The following PTPRT variants were observed in gnomAD, a reference collection of about 807,000 sequenced individuals.
The protein encoded by PTPRT is receptor-type tyrosine-protein phosphatase T.
PTPRT carries 56 observed loss-of-function variants against 176.8 expected under a neutral mutation model. The observed-to-expected ratio is 0.32, with a 90% CI of 0.26 to 0.40. PTPRT has a LOEUF of 0.40. Among genes scored for constraint, PTPRT ranks in the 10% least tolerant of loss-of-function variants. The pLI is 1.00. For synonymous variants in PTPRT, 783 were observed against 739.0 expected, an observed-to-expected ratio of 1.06 and a Z score of -0.96; for missense variants, 1,540 against 1,908.2, an observed-to-expected ratio of 0.81 and a Z score of 3.60.
intron 1 of PTPRT, among the ~76,000 whole-genome samples, chr20:43,051,420 T>A (rs1261074886): frequency 2.0e-5 from 3 of 152,204 alleles, no homozygotes; most frequent in Admixed American, 6.5e-5. Context: ...CCTAGGCAGA[T>A]GTGAATCTGT....
intron 1 of PTPRT, among the ~76,000 whole-genome samples, chr20:43,150,495 C>T (rs1445955983): frequency 2.6e-5 from 4 of 151,910 alleles, no homozygotes; most frequent in Admixed American, 2.6e-4. Context: ...CTCGCTCTGT[C>T]GCCCAGGCTG....
At chr20:42,699,817 A>G (rs6093719) in intron 6 of PTPRT, among the ~76,000 whole-genome samples, 12,755 of 152,266 alleles carry the variant, frequency 0.084, 603 homozygotes, top group South Asian at 0.16. Flanking sequence ...TGAATCGACA[A>G]AATTTTTCTG....
rs116090605 is a variant in PTPRT, at chr20:42,324,071, T to C, written c.1866-8075A>G. Among the ~76,000 whole-genome samples the C allele has an allele frequency of 4.9e-3, 739 of 152,322 alleles. 8 individuals are homozygous for C. The highest frequency in any genetic ancestry group is 0.017 in the African/African-American group (690 of 41,576). Reference sequence around the variant, plus strand: ...CACACAAAAACTTGAATTAAACTGTTCATAGAAGCATTATTTATAATCGCC... The same window carrying C: ...CACACAAAAACTTGAATTAAACTGTCCATAGAAGCATTATTTATAATCGCC... On this transcript the variant is annotated intron_variant, in intron 11 of 30. Transcript: ENST00000373187.
At position 42,074,472 on chromosome 20, in the gene PTPRT, C is replaced by A. The variant is rs1173034004; in HGVS notation, c.*6407G>T. 6.5e-6 allele frequency: 2 copies of A among 308,722 alleles called. No individual in the cohort carries two copies. The highest frequency in any genetic ancestry group is 1.2e-5 in the Non-Finnish European group (2 of 168,974). 19.1% of individuals were successfully genotyped at this position (308,722 alleles called of 1,614,324 possible). Reference sequence around the variant, plus strand: ...TTTCTGTCCAACACTTCAAGGCCACCAGACACTCATTCTCCGAACATTCCA... The same window carrying A: ...TTTCTGTCCAACACTTCAAGGCCACAAGACACTCATTCTCCGAACATTCCA... On this transcript the variant is annotated 3_prime_UTR_variant, in exon 31 of 31. Coordinates refer to ENST00000373187, the MANE Select transcript of PTPRT (RefSeq NM_007050.6).
intron 9 of PTPRT, among the ~76,000 whole-genome samples, chr20:42,415,222 C>A (rs1291880781): frequency 2.0e-5 from 3 of 152,152 alleles, no homozygotes; most frequent in Non-Finnish European, 2.9e-5. Flanking sequence ...TGCTCTGTTG[C>A]TCAGGGTGGA....
intron 7 of PTPRT, among the ~76,000 whole-genome samples, chr20:42,492,752 C>G (rs6102858): frequency 0.019 from 2,965 of 152,162 alleles, 101 homozygotes; most frequent in African/African-American, 0.068. Context: ...GGGGAACATG[C>G]TCTGTGTTAT....
chr20:42,039,315 T>C, the PTPRT span, among the ~76,000 whole-genome samples: 1 of 152,240 alleles, frequency 6.6e-6, no homozygotes, highest in South Asian at 2.1e-4. Flanking sequence ...GATTAACATA[T>C]GCATTAGTTC....
In PTPRT at chr20:42,455,801, C is replaced by T. The variant is rs896704482; in HGVS notation, c.1451-7472G>A. ...ATTCAATTGTTTCTGTTAGACTTTCCCTGTGTCAATACCACATCTTAATTA... is the reference window on the plus strand; with the variant it reads ...ATTCAATTGTTTCTGTTAGACTTTCTCTGTGTCAATACCACATCTTAATTA... On this transcript the variant is annotated intron_variant, in intron 8 of 30. Coordinates refer to ENST00000373187, the MANE Select transcript of PTPRT (RefSeq NM_007050.6). Among the ~76,000 whole-genome samples the T allele has an allele frequency of 1.2e-4, 18 of 152,008 alleles. No individual in the cohort carries two copies. The East Asian group carries it at 1.3e-3, about 11-fold the overall frequency.
At chr20:42,686,675 G>A (rs1569084166) in intron 6 of PTPRT, among the ~76,000 whole-genome samples, 1 of 151,528 alleles carries the variant, frequency 6.6e-6, no homozygotes, top group Non-Finnish European at 1.5e-5. Flanking sequence ...TATATTTTTG[G>A]TAGAGACGGG....
At chr20:42,962,893 C>T (rs1425429014) in intron 1 of PTPRT, among the ~76,000 whole-genome samples, 1 of 152,044 alleles carries the variant, frequency 6.6e-6, no homozygotes, top group South Asian at 2.1e-4. Context: ...ATGGTGAAAC[C>T]CAGTCTCTAC....
chr20:42,970,486 A>G (rs1341000510), intron 1 of PTPRT, among the ~76,000 whole-genome samples: 1 of 152,184 alleles, frequency 6.6e-6, no homozygotes, highest in Non-Finnish European at 1.5e-5. Context: ...TGGGTCAGCC[A>G]CTTAATAGTT....
intron 1 of PTPRT, among the ~76,000 whole-genome samples, chr20:43,129,363 CCA>C (rs2013564528): frequency 6.6e-6 from 1 of 152,190 alleles, no homozygotes; most frequent in African/African-American, 2.4e-5. Flanking sequence ...GCCCCTCTCC[CCA>C]CATTTAGCTA....
chr20:43,010,248 C>T (rs928087779), intron 1 of PTPRT, among the ~76,000 whole-genome samples: 2 of 152,148 alleles, frequency 1.3e-5, no homozygotes, highest in African/African-American at 4.8e-5. Flanking sequence ...TCACTTCCTG[C>T]CAAAACTGGT....
chr20:42,160,501 G>A (rs964795574), intron 17 of PTPRT, among the ~76,000 whole-genome samples: 30 of 150,978 alleles, frequency 2.0e-4, no homozygotes, highest in African/African-American at 6.8e-4. Flanking sequence ...AAAGAGGAAC[G>A]TGGTGCCCTT....
intron 8 of PTPRT, among the ~76,000 whole-genome samples, chr20:42,459,400 G>T (rs2070979306): frequency 6.6e-6 from 1 of 152,296 alleles, no homozygotes; most frequent in Non-Finnish European, 1.5e-5. Context: ...GATATGATTT[G>T]CTTCATGATT....
chr20:42,527,987 A>G (rs6016816), intron 7 of PTPRT, among the ~76,000 whole-genome samples: 1 of 152,074 alleles, frequency 6.6e-6, no homozygotes, highest in Non-Finnish European at 1.5e-5. Context: ...CTCTTGTTTA[A>G]AATCCTTCAA....
intron 1 of PTPRT, among the ~76,000 whole-genome samples, chr20:42,998,702 C>A (rs1356672925): frequency 6.6e-6 from 1 of 152,204 alleles, no homozygotes; most frequent in Non-Finnish European, 1.5e-5. Context: ...TCAACATTTT[C>A]TCATTTCAGT....
chr20:42,561,409 T>C (rs1306433064), intron 7 of PTPRT, among the ~76,000 whole-genome samples: 1 of 152,184 alleles, frequency 6.6e-6, no homozygotes, highest in African/African-American at 2.4e-5. Context: ...CATTGATGCA[T>C]ATTTAATACC....
chr20:42,948,964 T>C (rs1981061714), intron 1 of PTPRT, among the ~76,000 whole-genome samples: 1 of 152,176 alleles, frequency 6.6e-6, no homozygotes, highest in Non-Finnish European at 1.5e-5. Context: ...TCTGGCTTGA[T>C]TAAAAGAGCT....
Sources: gnomAD v4.1 joint callset for allele counts (sites outside exome capture counted in the v4.1 genomes callset) on GRCh38, gnomAD v4.1.1 for gene constraint, MANE v1.5 for transcripts, NCBI Gene and HGNC (gene_info 2026-07-23, HGNC 2026-07-21) for gene names.